CEP170: variants seen among roughly 807,000 people sequenced by gnomAD.
CEP170 encodes centrosomal protein 170, also known as centrosomal protein of 170 kDa.
A neutral mutation model predicts 151.9 loss-of-function variants in CEP170; 21 were observed. That is an observed-to-expected ratio of 0.14 (90% confidence interval 0.10 to 0.20). CEP170 has a LOEUF of 0.20. Ranked by LOEUF, CEP170 falls within the 10% of genes least tolerant of loss-of-function variation. CEP170 has a pLI of 1.00. For synonymous variants in CEP170, 356 were observed against 648.8 expected (o/e 0.55, Z 6.86); for missense variants, 964 against 1,892.9 (o/e 0.51, Z 9.11).
intron 19 of CEP170, 128 bp from the exon 20 acceptor site, chr1:243,126,866 T>C: frequency 1.4e-6 from 1 of 694,812 alleles, no homozygotes; most frequent in Non-Finnish European, 2.4e-6. Context: ...CTTCCAATAT[T>C]ATATTTAAAA....
intron 4 of CEP170, among the ~76,000 whole-genome samples, chr1:243,201,140 G>C (rs765242783): frequency 4.1e-4 from 62 of 151,914 alleles, no homozygotes; most frequent in Non-Finnish European, 7.9e-4. Context: ...AATAATATGA[G>C]ATAACTACAA....
chr1:243,233,451 A>G (rs1308802210), intron 1 of CEP170, among the ~76,000 whole-genome samples: 1 of 152,086 alleles, frequency 6.6e-6, no homozygotes, highest in Non-Finnish European at 1.5e-5. Context: ...AAAATATTTC[A>G]GGCCAGGCGC....
chr1:243,160,056 T>G lies in CEP170; in HGVS notation c.3677-3601A>C, dbSNP rs867042129. On this transcript the variant is annotated intron_variant, in intron 13 of 19. Coordinates refer to ENST00000366542, the MANE Select transcript of CEP170 (RefSeq NM_014812.3). Reference sequence around the variant, plus strand: ...CATCTGCCTCAGCCTCCCAAAGTCCTAGGATTATAGTCATGAGACGCTGTG... The same window carrying G: ...CATCTGCCTCAGCCTCCCAAAGTCCGAGGATTATAGTCATGAGACGCTGTG... 3.9e-5 allele frequency among the ~76,000 whole-genome samples: 6 copies of G among 152,262 alleles called. No homozygotes were observed. In the South Asian group the frequency reaches 8.3e-4, roughly 21 times the overall value.
chr1:243,181,225 G>A (rs1406338218), intron 10 of CEP170, among the ~76,000 whole-genome samples: 2 of 152,124 alleles, frequency 1.3e-5, no homozygotes, highest in Admixed American at 6.6e-5. Context: ...GGTAGTTATC[G>A]GAGAGGCCAA....
At chr1:243,213,281 G>A (rs1157116603) in intron 3 of CEP170, among the ~76,000 whole-genome samples, 1 of 152,020 alleles carries the variant, frequency 6.6e-6, no homozygotes, top group South Asian at 2.1e-4. Context: ...TTATCTTACT[G>A]CAGTGGCCAA....
chr1:243,225,668 T>C (rs1336530527), intron 1 of CEP170, among the ~76,000 whole-genome samples: 1 of 152,156 alleles, frequency 6.6e-6, no homozygotes, highest in Non-Finnish European at 1.5e-5. Flanking sequence ...ATGTTAGTAT[T>C]AGAAAAATAG....
At chr1:243,141,853 T>C (rs977944198) in intron 15 of CEP170, among the ~76,000 whole-genome samples, 1 of 152,240 alleles carries the variant, frequency 6.6e-6, no homozygotes, top group South Asian at 2.1e-4. Flanking sequence ...TGTGTATGTG[T>C]TTGTATTTAT....
intron 3 of CEP170, among the ~76,000 whole-genome samples, chr1:243,219,025 G>C (rs1039584100): frequency 2.0e-5 from 3 of 152,110 alleles, no homozygotes; most frequent in Non-Finnish European, 4.4e-5. Flanking sequence ...TAGTCTACAA[G>C]TTCTCTTATG....
intron 1 of CEP170, among the ~76,000 whole-genome samples, chr1:243,231,270 C>A (rs1226318684): frequency 6.7e-6 from 1 of 149,666 alleles, no homozygotes; most frequent in Non-Finnish European, 1.5e-5. Flanking sequence ...CAATAGCTGA[C>A]ACAGTTTTTT....
chr1:243,166,204 C>T (rs1459615601), intron 12 of CEP170, 88 bp from the exon 13 acceptor site: 6 of 1,499,574 alleles, frequency 4.0e-6, no homozygotes, highest in African/African-American at 2.8e-5. Flanking sequence ...TGTCAGTATC[C>T]ATGAAGACTG....
intron 13 of CEP170, among the ~76,000 whole-genome samples, chr1:243,162,243 C>A (rs2058124809): frequency 6.6e-6 from 1 of 152,132 alleles, no homozygotes; most frequent in African/African-American, 2.4e-5. Context: ...TACAAGTAAA[C>A]ACTGAAACTA....
At chr1:243,144,823 G>A (rs2056275597) in intron 14 of CEP170, among the ~76,000 whole-genome samples, 1 of 152,104 alleles carries the variant, frequency 6.6e-6, no homozygotes, top group Non-Finnish European at 1.5e-5. Flanking sequence ...ACAAAATATG[G>A]ATAAGAAAAT....
At chr1:243,180,892 G>T (rs527772872) in intron 10 of CEP170, among the ~76,000 whole-genome samples, 1 of 152,168 alleles carries the variant, frequency 6.6e-6, no homozygotes, top group Non-Finnish European at 1.5e-5. Flanking sequence ...AAGAAAAGAC[G>T]CTAGTAAGAG....
In CEP170 at chr1:243,172,850, G is replaced by A. The variant is rs2058955810; in HGVS notation, c.1567-4C>T. On this transcript the variant is annotated splice_region_variant and splice_polypyrimidine_tract_variant and intron_variant, in intron 10 of 19. Coordinates refer to ENST00000366542, the MANE Select transcript of CEP170 (RefSeq NM_014812.3). ...GATTGTCATCTACTCCAAACACCTA[G>A]AGGGAAAAATTATTTTATAAATGAA... 4 of 1,537,994 alleles carry A rather than the reference G, an allele frequency of 2.6e-6. No homozygotes were observed. Among genetic ancestry groups the A allele is most frequent in the East Asian group, 2.4e-5 (1 of 41,866 alleles).
At chr1:243,229,408 A>G (rs2063537958) in intron 1 of CEP170, among the ~76,000 whole-genome samples, 1 of 151,440 alleles carries the variant, frequency 6.6e-6, no homozygotes, top group Non-Finnish European at 1.5e-5. Flanking sequence ...CATTTCAGGT[A>G]TCCTGCTTGT....
In CEP170 at chr1:243,211,656, A is replaced by G. The variant is rs1298497685; in HGVS notation, c.274+230T>C. On this transcript the variant is annotated intron_variant, in intron 4 of 19. Transcript: ENST00000366542. ...TGAGACTGATGCTGAAACTACATAA[A>G]TAGAGAGAGAGAGGGAAAAAAAAAG... 11 of 458,288 alleles carry G rather than the reference A, an allele frequency of 2.4e-5. No homozygotes were observed. The South Asian group carries it at 2.5e-4, about 10-fold the overall frequency. The allele number at this position is 458,288 out of a possible 1,614,324, so 28.4% of individuals were successfully genotyped here.
At chr1:243,198,646 A>C (rs1462928880) in intron 7 of CEP170, among the ~76,000 whole-genome samples, 1 of 152,112 alleles carries the variant, frequency 6.6e-6, no homozygotes, top group East Asian at 1.9e-4. Context: ...ATCTCAAAGA[A>C]TAAATTAATT....
rs1480960602 is a variant in CEP170 at position 243,126,514 on chromosome 1, A to G, written c.4690T>C (p.Phe1564Leu). ...TTGAATCTATTGAAATGTATACTGA[A>G]ATCAGCCTCAGATTCAGCATTCTCA... Reference protein sequence around the residue: ...EFENAESEADFSIHFNRFNPD... With the variant: ...EFENAESEADLSIHFNRFNPD... Residue 1564 changes from phenylalanine to leucine, a missense_variant, in exon 20 of 20, where the codon TTC becomes CTC. Physicochemically the swap from Phe to Leu is conservative, Grantham distance 22. Coordinates refer to ENST00000366542, the MANE Select transcript of CEP170 (RefSeq NM_014812.3). The G allele has an allele frequency of 6.2e-7, 1 of 1,607,158 alleles. No homozygotes were observed. The highest frequency in any genetic ancestry group is 8.5e-7 in the Non-Finnish European group (1 of 1,176,386).
chr1:243,235,023 G>A (rs770648150), intron 1 of CEP170, among the ~76,000 whole-genome samples: 6 of 152,010 alleles, frequency 3.9e-5, no homozygotes, highest in Non-Finnish European at 8.8e-5. Context: ...TTACACATGA[G>A]GACCCCATTT....
Sources: allele counts gnomAD v4.1 joint callset (sites outside exome capture counted in the v4.1 genomes callset), GRCh38; gene constraint gnomAD v4.1.1; transcripts MANE v1.5; gene names NCBI Gene and HGNC (gene_info 2026-07-23, HGNC 2026-07-21).